The following FRMD4A variants were observed in gnomAD, a reference collection of about 807,000 sequenced individuals.
FRMD4A encodes FERM domain-containing protein 4A.
Under a neutral mutation model 129.1 loss-of-function variants are expected in FRMD4A, and 29 were observed. The ratio of observed to expected loss-of-function variants is 0.22; its 90% CI spans 0.17 to 0.31. FRMD4A has a LOEUF of 0.31. FRMD4A is among the 10% of genes least tolerant of loss of function. The probability of loss-of-function intolerance (pLI) is 1.00; values close to 1 mark genes in which losing one functional copy is unlikely to be tolerated. For synonymous variants in FRMD4A, 634 were observed against 571.6 expected (o/e 1.11, Z -1.56); for missense variants, 1,272 against 1,375.8 (o/e 0.92, Z 1.19).
intron 2 of FRMD4A, among the ~76,000 whole-genome samples, chr10:14,292,199 C>T (rs574669376): frequency 7.9e-5 from 12 of 152,194 alleles, no homozygotes; most frequent in South Asian, 2.1e-4. Flanking sequence ...GCAGTTTATA[C>T]GGAAACATAA....
intron 12 of FRMD4A, among the ~76,000 whole-genome samples, chr10:13,737,353 G>A (rs1317080830): frequency 6.6e-6 from 1 of 152,180 alleles, no homozygotes; most frequent in African/African-American, 2.4e-5. Context: ...GGCTCCCAAA[G>A]TGCTAGGATT....
rs1013010798 is a variant in FRMD4A at position 13,644,076 on chromosome 10, A to G, written c.*2962T>C. On this transcript the variant is annotated 3_prime_UTR_variant, in exon 25 of 25. Transcript: ENST00000357447. ...CACCTGGATGGGGTTTGCTATATTT[A>G]GAACTAAACTAATACTGAATGAAAA... 38 of 152,676 alleles carry G rather than the reference A, an allele frequency of 2.5e-4. No homozygotes were observed. The highest frequency in any genetic ancestry group is 8.9e-4 in the African/African-American group (37 of 41,458). 9.5% of individuals were successfully genotyped at this position (152,676 alleles called of 1,614,324 possible). A position where few individuals can be genotyped will look rare whatever the true frequency, so the allele number is the denominator to read the frequency against.
intron 2 of FRMD4A, among the ~76,000 whole-genome samples, chr10:14,237,097 T>G (rs1342788630): frequency 6.6e-6 from 1 of 151,230 alleles, no homozygotes; most frequent in Non-Finnish European, 1.5e-5. Flanking sequence ...GGTCTTGAAC[T>G]CCTGGCCTTA....
At chr10:13,789,993 G>A (rs1056044999) in intron 5 of FRMD4A, among the ~76,000 whole-genome samples, 4 of 152,112 alleles carry the variant, frequency 2.6e-5, no homozygotes, top group African/African-American at 7.2e-5. Context: ...AAGGGGTCAA[G>A]GCCAGACGCA....
chr10:14,025,212 C>T (rs887143058), intron 2 of FRMD4A, among the ~76,000 whole-genome samples: 2 of 152,140 alleles, frequency 1.3e-5, no homozygotes, highest in African/African-American at 2.4e-5. Flanking sequence ...TTTAATATCT[C>T]GTGTCAATTC....
intron 2 of FRMD4A, chr10:14,326,490 C>A (rs1388415423): frequency 1.1e-5 from 2 of 176,634 alleles, no homozygotes; most frequent in Admixed American, 1.3e-4. Context: ...AAAATAGGGT[C>A]ATGGATGGAA....
intron 2 of FRMD4A, among the ~76,000 whole-genome samples, chr10:14,189,806 ATCTTAAC>A (rs1842261784): frequency 6.6e-6 from 1 of 152,220 alleles, no homozygotes; most frequent in Non-Finnish European, 1.5e-5. Context: ...GTTTAGACAG[ATCTTAAC>A]TCAGCCTGAT....
intron 2 of FRMD4A, among the ~76,000 whole-genome samples, chr10:13,981,578 C>T (rs12570915): frequency 0.3 from 45,190 of 151,422 alleles, 7,346 homozygotes; most frequent in East Asian, 0.61. Flanking sequence ...GCCTCTACTA[C>T]AAATACAAAA....
intron 2 of FRMD4A, among the ~76,000 whole-genome samples, chr10:14,082,475 G>C (rs1835985266): frequency 6.6e-6 from 1 of 152,154 alleles, no homozygotes; most frequent in Non-Finnish European, 1.5e-5. Context: ...GGTAGACATT[G>C]AGGATCCTGG....
At chr10:14,197,179 AT>A (rs1337073428) in intron 2 of FRMD4A, among the ~76,000 whole-genome samples, 1 of 152,194 alleles carries the variant, frequency 6.6e-6, no homozygotes, top group African/African-American at 2.4e-5. Context: ...TGTTCAATTC[AT>A]TAACCTCACA....
At chr10:13,873,630 T>C (rs1235280001) in intron 2 of FRMD4A, among the ~76,000 whole-genome samples, 2 of 152,168 alleles carry the variant, frequency 1.3e-5, no homozygotes, top group African/African-American at 2.4e-5. Context: ...CACTGCAACC[T>C]CTGTCTCCCA....
At chr10:13,662,228 A>G (rs10906443) in intron 19 of FRMD4A, among the ~76,000 whole-genome samples, 117,593 of 152,094 alleles carry the variant, frequency 0.77, 46,192 homozygotes, top group East Asian at 0.85. Context: ...TTGTAGCCCA[A>G]TGGCGTCCCC....
At chr10:13,922,816 T>C (rs1415916284) in intron 2 of FRMD4A, among the ~76,000 whole-genome samples, 6 of 152,326 alleles carry the variant, frequency 3.9e-5, no homozygotes, top group African/African-American at 7.2e-5. Context: ...CAATGAGGCA[T>C]GTGACAGAAA....
chr10:14,089,959 C>G (rs1836563909), intron 2 of FRMD4A, among the ~76,000 whole-genome samples: 1 of 152,180 alleles, frequency 6.6e-6, no homozygotes, highest in African/African-American at 2.4e-5. Context: ...CTTGCTCTAC[C>G]CTGACAGAGC....
chr10:13,664,908 GT>G (rs1220859579), intron 18 of FRMD4A, among the ~76,000 whole-genome samples: 1 of 151,946 alleles, frequency 6.6e-6, no homozygotes, highest in African/African-American at 2.4e-5. Context: ...TTGAGATAGA[GT>G]TTCGCTCTTG....
At chr10:13,860,509 C>T (rs77750301) in intron 2 of FRMD4A, among the ~76,000 whole-genome samples, 2,247 of 152,234 alleles carry the variant, frequency 0.015, 61 homozygotes, top group African/African-American at 0.051. Flanking sequence ...AGAGGAAATC[C>T]TTTAGAGAAC....
At chr10:14,249,350 T>TCAAAAAAAAAA (rs1564416620) in intron 2 of FRMD4A, among the ~76,000 whole-genome samples, 2 of 121,372 alleles carry the variant, frequency 1.6e-5, no homozygotes, top group African/African-American at 5.5e-5. Context: ...AGAATCTGTC[T>TCAAAAAAAAAA]TAAAAAAAAA....
At chr10:13,702,130 G>A (rs1318770904) in intron 13 of FRMD4A, among the ~76,000 whole-genome samples, 1 of 152,102 alleles carries the variant, frequency 6.6e-6, no homozygotes, top group East Asian at 1.9e-4. Context: ...GGAGCGTGCT[G>A]GCAAGATCTC....
intron 2 of FRMD4A, among the ~76,000 whole-genome samples, chr10:13,870,588 T>C (rs2094428223): frequency 6.6e-6 from 1 of 152,228 alleles, no homozygotes; most frequent in Non-Finnish European, 1.5e-5. Context: ...TCTTGCTGAT[T>C]ACTGGCTTGA....
Sources: gnomAD v4.1 joint callset for allele counts (sites outside exome capture counted in the v4.1 genomes callset) on GRCh38, gnomAD v4.1.1 for gene constraint, MANE v1.5 for transcripts, NCBI Gene and HGNC (gene_info 2026-07-23, HGNC 2026-07-21) for gene names.